NME7: variants seen among roughly 807,000 people sequenced by gnomAD.
NME7 encodes the protein NME/NM23 family member 7, also known as nucleoside diphosphate kinase 7.
In NME7, 41 loss-of-function variants were observed where a neutral mutation model predicts 49.1. The ratio of observed to expected loss-of-function variants is 0.83; its 90% confidence interval spans 0.65 to 1.08. NME7 has a LOEUF of 1.08. Ranked by LOEUF, NME7 falls within the 50% of genes least tolerant of loss-of-function variation. The probability of loss-of-function intolerance (pLI) is 0.00; values close to 1 mark genes in which losing one functional copy is unlikely to be tolerated. For missense variants in NME7, 423 were observed against 463.4 expected (o/e 0.91, Z 0.80); for synonymous variants, 139 against 150.6 (o/e 0.92, Z 0.56).
intron 3 of NME7, among the ~76,000 whole-genome samples, chr1:169,316,870 T>C (rs1334410655): frequency 6.6e-6 from 1 of 152,076 alleles, no homozygotes; most frequent in African/African-American, 2.4e-5. Context: ...ATCATAAATT[T>C]GTATTGTTTA....
chr1:169,269,606 C>A lies in NME7; in HGVS notation c.754+17697G>T, dbSNP rs1649426821. Among the ~76,000 whole-genome samples, 2 of 133,172 alleles carry A rather than the reference C, an allele frequency of 1.5e-5. 1 individual carries two copies. Among genetic ancestry groups the A allele is most frequent in the African/African-American group, 5.1e-5 (2 of 39,376 alleles). The allele number at this position is 133,172 out of a possible 152,430, so 87.4% of individuals were successfully genotyped here. ...CTACCAGGGCTCTTGGCTTACACAG[C>A]ACCAAAGCTACCATTACAGTGGATA... On this transcript the variant is annotated intron_variant, in intron 7 of 11. Transcript: ENST00000367811.
chr1:169,292,310 T>C (rs911615454), intron 6 of NME7, among the ~76,000 whole-genome samples: 2 of 152,096 alleles, frequency 1.3e-5, no homozygotes, highest in Non-Finnish European at 2.9e-5. Context: ...CACAATACAT[T>C]AAAGAACAAC....
intron 3 of NME7, among the ~76,000 whole-genome samples, chr1:169,320,764 T>C (rs1317022279): frequency 6.6e-6 from 1 of 152,198 alleles, no homozygotes; most frequent in Non-Finnish European, 1.5e-5. Context: ...ATACTACATA[T>C]ATTTTCATTT....
At position 169,154,776 on chromosome 1, in the gene NME7, C is replaced by T. The variant is rs184079568; in HGVS notation, c.1098+14671G>A. Among the ~76,000 whole-genome samples the T allele has an allele frequency of 5.9e-3, 873 of 148,300 alleles. 10 individuals are homozygous for T. The highest frequency in any genetic ancestry group is 0.021 in the African/African-American group (828 of 40,012). On this transcript the variant is annotated intron_variant, in intron 11 of 11. Coordinates refer to ENST00000367811, the MANE Select transcript of NME7 (RefSeq NM_013330.5). Reference sequence around the variant, plus strand: ...TCAAGCCAGTGCACTCCAGTCTGGGCGACAGAGCAAGACTCTGTCTAAAAA... The same window carrying T: ...TCAAGCCAGTGCACTCCAGTCTGGGTGACAGAGCAAGACTCTGTCTAAAAA...
intron 1 of NME7, among the ~76,000 whole-genome samples, chr1:169,342,027 A>T (rs1024812846): frequency 7.9e-5 from 12 of 152,152 alleles, no homozygotes; most frequent in Admixed American, 6.5e-4. Context: ...TTGGGGGACT[A>T]TTGGAAAGGC....
At chr1:169,290,135 C>G (rs1487495119) in intron 6 of NME7, among the ~76,000 whole-genome samples, 1 of 151,992 alleles carries the variant, frequency 6.6e-6, no homozygotes, top group Non-Finnish European at 1.5e-5. Flanking sequence ...CATAAATTTT[C>G]ACGCTGATAG....
At chr1:169,350,623 C>T (rs1653137608) in intron 1 of NME7, among the ~76,000 whole-genome samples, 2 of 151,306 alleles carry the variant, frequency 1.3e-5, no homozygotes, top group African/African-American at 2.4e-5. Flanking sequence ...TCTAGCTTCA[C>T]GTTGTATATC....
chr1:169,134,580 A>G (rs1231613729), intron 11 of NME7, among the ~76,000 whole-genome samples: 1 of 152,222 alleles, frequency 6.6e-6, no homozygotes, highest in Non-Finnish European at 1.5e-5. Context: ...ATACCGAGTT[A>G]GTATGTCCTC....
At chr1:169,362,952 T>C (rs918089653) in intron 1 of NME7, among the ~76,000 whole-genome samples, 1 of 152,122 alleles carries the variant, frequency 6.6e-6, no homozygotes. Context: ...TTAAACTATA[T>C]ATTAGCTGAA....
chr1:169,307,181 A>C (rs1042379622), intron 4 of NME7, among the ~76,000 whole-genome samples: 2 of 152,232 alleles, frequency 1.3e-5, no homozygotes, highest in Admixed American at 1.3e-4. Flanking sequence ...TGACATAAGA[A>C]ACATTTGTGA....
chr1:169,164,406 G>A (rs1031657576), intron 11 of NME7, among the ~76,000 whole-genome samples: 7 of 152,246 alleles, frequency 4.6e-5, no homozygotes, highest in Admixed American at 1.3e-4. Flanking sequence ...ACACTGTGCT[G>A]TAATAGTAAT....
chr1:169,338,879 A>T (rs1336177439), intron 1 of NME7, among the ~76,000 whole-genome samples: 1 of 152,190 alleles, frequency 6.6e-6, no homozygotes, highest in Non-Finnish European at 1.5e-5. Context: ...ATAGTTTAAC[A>T]AGGACCCTTG....
chr1:169,320,355 G>T (rs939247145), intron 3 of NME7, among the ~76,000 whole-genome samples: 1 of 152,162 alleles, frequency 6.6e-6, no homozygotes, highest in Non-Finnish European at 1.5e-5. Context: ...GAGTTAAGCT[G>T]AATTATATTA....
chr1:169,350,127 G>A (rs1040197294), intron 1 of NME7, among the ~76,000 whole-genome samples: 6 of 151,450 alleles, frequency 4.0e-5, no homozygotes, highest in African/African-American at 1.5e-4. Flanking sequence ...GGAAGGTGGA[G>A]GTTGCAGTGA....
chr1:169,300,507 T>C (rs187553818), intron 5 of NME7, among the ~76,000 whole-genome samples: 1 of 152,254 alleles, frequency 6.6e-6, no homozygotes, highest in East Asian at 1.9e-4. Context: ...GTAATAATAA[T>C]ATGAGCATGC....
chr1:169,199,447 T>TC (rs1448727814), intron 10 of NME7, among the ~76,000 whole-genome samples: 20 of 86,158 alleles, frequency 2.3e-4, no homozygotes, highest in African/African-American at 7.6e-4. Context: ...ACCCAGGGTC[T>TC]TTTTTATTAT....
At chr1:169,231,163 G>T (rs1557998641) in intron 9 of NME7, among the ~76,000 whole-genome samples, 1 of 151,916 alleles carries the variant, frequency 6.6e-6, no homozygotes, top group African/African-American at 2.4e-5. Context: ...AATTTCAAAG[G>T]TTTTATCCTA....
intron 6 of NME7, among the ~76,000 whole-genome samples, chr1:169,292,726 T>A (rs896944297): frequency 2.0e-5 from 3 of 152,148 alleles, no homozygotes; most frequent in African/African-American, 4.8e-5. Flanking sequence ...GACGGATTAA[T>A]ATTTTTAGAC....
intron 3 of NME7, among the ~76,000 whole-genome samples, chr1:169,310,305 G>A (rs1408408375): frequency 6.6e-6 from 1 of 151,962 alleles, no homozygotes; most frequent in African/African-American, 2.4e-5. Flanking sequence ...GGAGGGAGAA[G>A]CTTAGGAAAA....
Sources: gnomAD v4.1 joint callset for allele counts (sites outside exome capture counted in the v4.1 genomes callset) on GRCh38, gnomAD v4.1.1 for gene constraint, MANE v1.5 for transcripts, NCBI Gene and HGNC (gene_info 2026-07-23, HGNC 2026-07-21) for gene names.